MTHFD2L: variants seen among roughly 807,000 people sequenced by gnomAD.
MTHFD2L encodes the protein methylenetetrahydrofolate dehydrogenase (NADP+ dependent) 2 like, also known as bifunctional methylenetetrahydrofolate dehydrogenase/cyclohydrolase 2, mitochondrial.
A neutral mutation model predicts 34.9 loss-of-function variants in MTHFD2L; 29 were observed. The observed-to-expected ratio is 0.83, with a 90% CI of 0.62 to 1.13. The LOEUF (loss-of-function observed/expected upper bound fraction) is 1.13, where lower values mean the gene tolerates loss of function less well. MTHFD2L is among the 50% of genes most tolerant of loss of function. The pLI is 0.00. For synonymous variants in MTHFD2L, 167 were observed against 155.7 expected, an observed-to-expected ratio of 1.07 and a Z score of -0.54; for missense variants, 481 against 446.5, an observed-to-expected ratio of 1.08 and a Z score of -0.70.
At chr4:74,272,001 C>T (rs1000236452) in intron 6 of MTHFD2L, among the ~76,000 whole-genome samples, 1 of 152,066 alleles carries the variant, frequency 6.6e-6, no homozygotes, top group Non-Finnish European at 1.5e-5. Flanking sequence ...ATAGATGTAG[C>T]CCCAATAATG....
At chr4:74,175,176 G>A in intron 2 of MTHFD2L, 105 bp from the exon 3 acceptor site, 1 of 1,230,728 alleles carries the variant, frequency 8.1e-7, no homozygotes, top group Non-Finnish European at 1.1e-6. Context: ...TGGAACATCA[G>A]AACCTTTCAC....
chr4:74,139,110 G>C (rs992256367), intron 1 of MTHFD2L, among the ~76,000 whole-genome samples: 1 of 152,158 alleles, frequency 6.6e-6, no homozygotes, highest in Non-Finnish European at 1.5e-5. Flanking sequence ...TGTTTGCATA[G>C]ACAGTCTTTG....
At chr4:74,170,896 C>T (rs1267290336) in intron 1 of MTHFD2L, among the ~76,000 whole-genome samples, 1 of 144,566 alleles carries the variant, frequency 6.9e-6, no homozygotes, top group Non-Finnish European at 1.5e-5. Flanking sequence ...CCAAACACTG[C>T]ATGTTCTCAC....
chr4:74,181,869 A>C (rs893937891), intron 3 of MTHFD2L: 2 of 152,160 alleles, frequency 1.3e-5, no homozygotes, highest in Non-Finnish European at 2.9e-5. Flanking sequence ...AAAAAGGTGG[A>C]TATCGACCTA....
chr4:74,175,379 A>G lies in MTHFD2L; in HGVS notation c.427A>G (p.Ile143Val), dbSNP rs1263999247. The change falls in exon 3 of 8, where the codon ATA becomes GTA. Residue 143 changes from isoleucine to valine, a missense_variant. Transcript: ENST00000325278. ...QLNMDPRVSG[I>V]LVQLPLPDHV... ...GAATATGGACCCAAGAGTCAGCGGT[A>G]TATTAGTTCAGTTACCACTACCAGG... 3.7e-6 allele frequency: 6 copies of G among 1,611,948 alleles called. No homozygotes were observed. The highest frequency in any genetic ancestry group is 5.1e-6 in the Non-Finnish European group (6 of 1,178,988).
At chr4:74,161,642 A>G (rs1578292362) in intron 1 of MTHFD2L, 1 of 152,260 alleles carries the variant, frequency 6.6e-6, no homozygotes, top group African/African-American at 2.4e-5. Context: ...AAAATGGATC[A>G]GTACATGAAA....
intron 7 of MTHFD2L, among the ~76,000 whole-genome samples, chr4:74,296,189 C>T (rs17469975): frequency 0.017 from 2,520 of 152,064 alleles, 24 homozygotes; most frequent in Middle Eastern, 0.034. Flanking sequence ...AGATGTTGGG[C>T]CAGAAGATAA....
chr4:74,175,207 A>G (rs1444288124), intron 2 of MTHFD2L, 74 bp from the exon 3 acceptor site: 3 of 1,505,784 alleles, frequency 2.0e-6, no homozygotes, highest in Non-Finnish European at 2.7e-6. Flanking sequence ...ACAGTCCCAC[A>G]CTGTGTCAGA....
intron 3 of MTHFD2L, among the ~76,000 whole-genome samples, chr4:74,185,471 TAAAG>T (rs1428596581): frequency 6.6e-6 from 1 of 151,652 alleles, no homozygotes; most frequent in Non-Finnish European, 1.5e-5. Flanking sequence ...AAAGAAATAA[TAAAG>T]AACAGAGTAG....
Position 74,301,963 on chromosome 4 carries a change from T to G in MTHFD2L, c.*154T>G, listed in dbSNP as rs994718478. On this transcript the variant is annotated 3_prime_UTR_variant, in exon 8 of 8. Coordinates refer to ENST00000325278, the MANE Select transcript of MTHFD2L (RefSeq NM_001144978.3). ...TGTGAATCAATTGATTCACATAGTT[T>G]TATGCATTTCCTGCTAATTTATTTT... The G allele has an allele frequency of 2.3e-6, 1 of 435,960 alleles. No homozygotes were observed. Among genetic ancestry groups the G allele is most frequent in the Non-Finnish European group, 4.1e-6 (1 of 242,650 alleles). 27.0% of individuals were successfully genotyped at this position (435,960 alleles called of 1,614,324 possible). A position where few individuals can be genotyped will look rare whatever the true frequency, so the allele number is the denominator to read the frequency against.
At chr4:74,120,646 T>A (rs1721738753), upstream of MTHFD2L, among the ~76,000 whole-genome samples, 1 of 152,214 alleles carries the variant, frequency 6.6e-6, no homozygotes, top group African/African-American at 2.4e-5. Context: ...TAACAATGTT[T>A]TGCAAGGTGT....
In MTHFD2L at chr4:74,201,401, C is replaced by G. The variant is rs374429935; in HGVS notation, c.712+31C>G. 72 of 1,477,320 alleles carry G rather than the reference C, an allele frequency of 4.9e-5. No homozygotes were observed. In the African/African-American group the frequency reaches 8.2e-4, roughly 17 times the overall value. 91.5% of individuals were successfully genotyped at this position (1,477,320 alleles called of 1,614,324 possible). Reference sequence around the variant, plus strand: ...TAGAACCTTGCAGATTCTACACTCTCTCGCAGTATTCTTACTTCTTACATC... The same window carrying G: ...TAGAACCTTGCAGATTCTACACTCTGTCGCAGTATTCTTACTTCTTACATC... On this transcript the variant is annotated intron_variant, in intron 5 of 7. Transcript: ENST00000325278.
chr4:74,145,337 A>G (rs1033775700), intron 1 of MTHFD2L, among the ~76,000 whole-genome samples: 1 of 152,200 alleles, frequency 6.6e-6, no homozygotes, highest in Admixed American at 6.5e-5. Flanking sequence ...TCTAGAGATG[A>G]TTTAAAATAT....
At chr4:74,254,677 A>G (rs956645522) in intron 6 of MTHFD2L, among the ~76,000 whole-genome samples, 3 of 152,110 alleles carry the variant, frequency 2.0e-5, no homozygotes, top group African/African-American at 4.8e-5. Flanking sequence ...AAATGAAAGT[A>G]TACTAAGAAC....
intron 6 of MTHFD2L, among the ~76,000 whole-genome samples, chr4:74,259,307 C>T (rs1210381845): frequency 6.6e-5 from 10 of 152,158 alleles, no homozygotes; most frequent in African/African-American, 2.4e-4. Flanking sequence ...AGAAGTTATA[C>T]GTTACATGTT....
chr4:74,282,562 C>T (rs1329713563), intron 7 of MTHFD2L, among the ~76,000 whole-genome samples: 1 of 152,094 alleles, frequency 6.6e-6, no homozygotes, highest in East Asian at 1.9e-4. Context: ...TTAGAAGTGT[C>T]CTAGGGTACT....
chr4:74,174,472 T>C, intron 1 of MTHFD2L, 34 bp from the exon 2 acceptor site: 1 of 1,359,154 alleles, frequency 7.4e-7, no homozygotes, highest in Non-Finnish European at 9.6e-7. Flanking sequence ...GTTTCTTATT[T>C]TCTTTTTAGT....
At chr4:74,187,421 CAG>C (rs761044590) in intron 3 of MTHFD2L, among the ~76,000 whole-genome samples, 4 of 152,080 alleles carry the variant, frequency 2.6e-5, no homozygotes, top group Middle Eastern at 3.4e-3. Flanking sequence ...AAAATAATGA[CAG>C]AGAGAATAGC....
At chr4:74,301,575 A>G (rs1295758710) in intron 7 of MTHFD2L, 122 bp from the exon 8 acceptor site, 2 of 571,704 alleles carry the variant, frequency 3.5e-6, no homozygotes, top group Admixed American at 3.4e-5. Flanking sequence ...ATTACAGCCT[A>G]CTTGATTCTA....
Sources: allele counts gnomAD v4.1 joint callset (sites outside exome capture counted in the v4.1 genomes callset), GRCh38; gene constraint gnomAD v4.1.1; transcripts MANE v1.5; gene names NCBI Gene and HGNC (gene_info 2026-07-23, HGNC 2026-07-21).